Variants in CDH12 observed in about 807,000 individuals in gnomAD.
CDH12 encodes cadherin-12.
In CDH12, 41 loss-of-function variants were observed where a neutral mutation model predicts 74.1. That is an observed-to-expected ratio of 0.55 (90% confidence interval 0.43 to 0.72). The LOEUF (loss-of-function observed/expected upper bound fraction) is 0.72. CDH12 is among the 30% of genes least tolerant of loss of function. The pLI is 0.00. For synonymous variants in CDH12, 399 were observed against 355.0 expected (o/e 1.12, Z -1.39); for missense variants, 945 against 977.2 (o/e 0.97, Z 0.44).
intron 1 of CDH12, among the ~76,000 whole-genome samples, chr5:22,740,372 T>C (rs1256382976): frequency 6.6e-6 from 1 of 152,002 alleles, no homozygotes; most frequent in African/African-American, 2.4e-5. Context: ...TATAGACACA[T>C]GATCATGTAT....
intron 2 of CDH12, among the ~76,000 whole-genome samples, chr5:22,488,239 G>A (rs778880690): frequency 6.6e-6 from 1 of 152,068 alleles, no homozygotes; most frequent in African/African-American, 2.4e-5. Flanking sequence ...TTTAAATAAC[G>A]CAGCAAAAAT....
In CDH12 at chr5:21,783,352, A is replaced by G. The variant is rs1411161562; in HGVS notation, c.1393+6T>C. The G allele has an allele frequency of 9.9e-6, 16 of 1,611,898 alleles. No homozygotes were observed. The highest frequency in any genetic ancestry group is 1.4e-5 in the Non-Finnish European group (16 of 1,178,484). ...ATAACATTGATTCTGTCCATGCCAT[A>G]CTTACTAACTTTACTCGCAATTATG... On this transcript the variant is annotated splice_donor_region_variant and intron_variant, in intron 11 of 14. Coordinates refer to ENST00000382254, the MANE Select transcript of CDH12 (RefSeq NM_004061.5).
At chr5:22,337,476 T>C (rs904284232) in intron 3 of CDH12, among the ~76,000 whole-genome samples, 7 of 152,128 alleles carry the variant, frequency 4.6e-5, no homozygotes, top group African/African-American at 1.4e-4. Context: ...TGGGGGATGA[T>C]TGAATCATGG....
At chr5:22,256,716 C>A (rs1753331182) in intron 3 of CDH12, among the ~76,000 whole-genome samples, 1 of 152,098 alleles carries the variant, frequency 6.6e-6, no homozygotes, top group African/African-American at 2.4e-5. Flanking sequence ...TATTGATAAT[C>A]TTGACCCTGT....
intron 1 of CDH12, among the ~76,000 whole-genome samples, chr5:22,840,249 T>C (rs907495859): frequency 3.3e-5 from 5 of 152,116 alleles, no homozygotes; most frequent in African/African-American, 9.7e-5. Context: ...GTCTCTGGAA[T>C]AGCTGGGACT....
chr5:22,739,820 A>T (rs2127016145), intron 1 of CDH12, among the ~76,000 whole-genome samples: 1 of 152,184 alleles, frequency 6.6e-6, no homozygotes, highest in Non-Finnish European at 1.5e-5. Flanking sequence ...GGAGTCATGT[A>T]CCCTTAGAAT....
intron 1 of CDH12, among the ~76,000 whole-genome samples, chr5:22,557,057 T>C (rs1289606201): frequency 1.3e-5 from 2 of 152,098 alleles, no homozygotes; most frequent in African/African-American, 4.8e-5. Flanking sequence ...CCACCTTTTG[T>C]TCCAGGCTAG....
intron 1 of CDH12, among the ~76,000 whole-genome samples, chr5:22,836,132 A>C (rs2126511043): frequency 6.6e-6 from 1 of 151,966 alleles, no homozygotes; most frequent in South Asian, 2.1e-4. Flanking sequence ...GGATTTGGAC[A>C]AGGAATCAAT....
intron 4 of CDH12, among the ~76,000 whole-genome samples, chr5:22,184,803 G>A (rs1749841167): frequency 6.6e-6 from 1 of 152,102 alleles, no homozygotes; most frequent in Non-Finnish European, 1.5e-5. Context: ...TCTCCATGTG[G>A]AAAATGTTGC....
intron 1 of CDH12, among the ~76,000 whole-genome samples, chr5:22,833,975 A>T (rs1581046578): frequency 6.6e-6 from 1 of 152,082 alleles, no homozygotes; most frequent in Admixed American, 6.6e-5. Context: ...AAAGGACATG[A>T]CCCTCCATTA....
chr5:22,644,647 C>A (rs1739340587), intron 1 of CDH12, among the ~76,000 whole-genome samples: 1 of 151,500 alleles, frequency 6.6e-6, no homozygotes, highest in African/African-American at 2.4e-5. Context: ...GTATGTTATC[C>A]AAAAAATTTA....
At chr5:22,535,142 T>G (rs1561475208) in intron 1 of CDH12, among the ~76,000 whole-genome samples, 1 of 136,866 alleles carries the variant, frequency 7.3e-6, no homozygotes, top group Non-Finnish European at 1.6e-5. Flanking sequence ...TGGCTAATTT[T>G]CTTTTTTTTT....
At chr5:22,843,239 C>G (rs1358517467) in intron 1 of CDH12, among the ~76,000 whole-genome samples, 1 of 152,080 alleles carries the variant, frequency 6.6e-6, no homozygotes, top group Non-Finnish European at 1.5e-5. Context: ...CCAATTCTAT[C>G]TGTGAAAACA....
intron 5 of CDH12, among the ~76,000 whole-genome samples, chr5:22,032,167 A>C (rs1402384683): frequency 6.6e-6 from 1 of 152,032 alleles, no homozygotes; most frequent in Non-Finnish European, 1.5e-5. Context: ...CCTGTCAACT[A>C]TGTGCTTATA....
intron 1 of CDH12, among the ~76,000 whole-genome samples, chr5:22,681,226 G>GGT (rs1491431635): frequency 5.2e-5 from 2 of 38,292 alleles, no homozygotes; most frequent in African/African-American, 1.3e-4. Context: ...TGGGTATTGG[G>GGT]GGGTGTGTGT....
intron 1 of CDH12, among the ~76,000 whole-genome samples, chr5:22,555,885 A>C (rs1234027098): frequency 3.3e-5 from 5 of 151,982 alleles, no homozygotes; most frequent in Non-Finnish European, 7.4e-5. Context: ...CAAACAAGAT[A>C]TATATTACAA....
chr5:22,714,930 T>C (rs186664143), intron 1 of CDH12, among the ~76,000 whole-genome samples: 171 of 152,322 alleles, frequency 1.1e-3, no homozygotes, highest in Non-Finnish European at 3.4e-4. Flanking sequence ...GGAATACTGG[T>C]GCATCTCGCA....
At chr5:22,735,868 A>T (rs1393400753) in intron 1 of CDH12, among the ~76,000 whole-genome samples, 1 of 151,920 alleles carries the variant, frequency 6.6e-6, no homozygotes, top group Admixed American at 6.6e-5. Context: ...TTGAAAATTA[A>T]TCTGGAGAAG....
At chr5:22,407,229 C>T (rs186561173) in intron 2 of CDH12, among the ~76,000 whole-genome samples, 2 of 152,184 alleles carry the variant, frequency 1.3e-5, no homozygotes, top group East Asian at 3.9e-4. Flanking sequence ...CTGTCTCTCA[C>T]AAATGTCTTC....
Sources: gnomAD v4.1 joint callset for allele counts (sites outside exome capture counted in the v4.1 genomes callset) on GRCh38, gnomAD v4.1.1 for gene constraint, MANE v1.5 for transcripts, NCBI Gene and HGNC (gene_info 2026-07-23, HGNC 2026-07-21) for gene names.